NRXN3: variants seen among roughly 807,000 people sequenced by gnomAD.
The protein encoded by NRXN3 is neurexin III.
In NRXN3, 32 loss-of-function variants were observed where a neutral mutation model predicts 137.6. That is an observed-to-expected ratio of 0.23 (90% CI 0.18 to 0.31). The LOEUF (loss-of-function observed/expected upper bound fraction) is 0.31. Ranked by LOEUF, NRXN3 falls within the 10% of genes least tolerant of loss-of-function variation. NRXN3 has a pLI of 1.00. For synonymous variants in NRXN3, 798 were observed against 784.5 expected, an observed-to-expected ratio of 1.02 and a Z score of -0.29; for missense variants, 1,574 against 2,062.5, an observed-to-expected ratio of 0.76 and a Z score of 4.59.
At chr14:79,853,064 A>G (rs950336866) in intron 20 of NRXN3, among the ~76,000 whole-genome samples, 3 of 152,102 alleles carry the variant, frequency 2.0e-5, no homozygotes, top group South Asian at 2.1e-4. Context: ...CTCATTGCCA[A>G]TTGCGTGCAA....
At chr14:79,285,261 C>A (rs2082052716) in intron 15 of NRXN3, among the ~76,000 whole-genome samples, 1 of 152,122 alleles carries the variant, frequency 6.6e-6, no homozygotes, top group Admixed American at 6.5e-5. Context: ...TTGCTTTCAC[C>A]TCAGATTTTG....
intron 16 of NRXN3, among the ~76,000 whole-genome samples, chr14:79,619,936 ATTTGTT>A (rs2098204044): frequency 6.6e-6 from 1 of 152,038 alleles, no homozygotes; most frequent in South Asian, 2.1e-4. Context: ...CATGGGGACC[ATTTGTT>A]TTTATTTTCA....
chr14:78,858,303 A>G lies in NRXN3; in HGVS notation c.2275+47959A>G, dbSNP rs961342720. Among the ~76,000 whole-genome samples the G allele has an allele frequency of 2.6e-5, 4 of 152,250 alleles. No individual in the cohort carries two copies. In the South Asian group the frequency reaches 6.2e-4, roughly 24 times the overall value. The stretch of plus-strand genomic sequence containing the variant: ...CTTTAGTGACAATCCTTGACCTGCC[A>G]TGCAAATCTGGAGCTATACCATTGA... On this transcript the variant is annotated intron_variant, in intron 10 of 20. Transcript: ENST00000335750.
At position 79,808,669 on chromosome 14, in the gene NRXN3, C is replaced by T. The variant is rs1271757422; in HGVS notation, c.4093+3479C>T. 3.9e-5 allele frequency among the ~76,000 whole-genome samples: 6 copies of T among 152,258 alleles called. No individual in the cohort carries two copies. In the East Asian group the frequency reaches 1.2e-3, roughly 29 times the overall value. Reference sequence around the variant, plus strand: ...CTGTCTCCGTTTATGAGGCATTTAACTTCTACAGGTTATTTCCTGATTAAT... The same window carrying T: ...CTGTCTCCGTTTATGAGGCATTTAATTTCTACAGGTTATTTCCTGATTAAT... On this transcript the variant is annotated intron_variant, in intron 20 of 20. Coordinates refer to ENST00000335750, the MANE Select transcript of NRXN3 (RefSeq NM_001330195.2).
intron 11 of NRXN3, 74 bp from the exon 12 acceptor site, chr14:78,965,950 CA>C: frequency 2.0e-6 from 3 of 1,517,948 alleles, no homozygotes; most frequent in East Asian, 2.3e-5. Context: ...AGGTTACACC[CA>C]AAAAATATAC....
At chr14:79,746,922 G>A (rs904073708) in intron 19 of NRXN3, among the ~76,000 whole-genome samples, 1 of 152,074 alleles carries the variant, frequency 6.6e-6, no homozygotes, top group African/African-American at 2.4e-5. Context: ...CCTCTAGAAA[G>A]GATTAAAGAT....
chr14:79,529,695 AG>A (rs986906628), intron 16 of NRXN3, among the ~76,000 whole-genome samples: 60 of 152,364 alleles, frequency 3.9e-4, no homozygotes, highest in African/African-American at 1.4e-3. Context: ...AGAAAAATAA[AG>A]TTATCTCTCT....
chr14:78,506,097 C>G (rs1358034192), intron 4 of NRXN3, among the ~76,000 whole-genome samples: 5 of 152,100 alleles, frequency 3.3e-5, no homozygotes, highest in Admixed American at 3.3e-4. Context: ...ATTCATTGAG[C>G]CTATATCCAT....
chr14:79,122,420 C>A (rs2055610696), intron 15 of NRXN3, among the ~76,000 whole-genome samples: 1 of 152,126 alleles, frequency 6.6e-6, no homozygotes, highest in Non-Finnish European at 1.5e-5. Context: ...GGGAGAATTT[C>A]CTCTCAGTGG....
At chr14:78,760,608 G>T (rs922453120) in intron 8 of NRXN3, among the ~76,000 whole-genome samples, 1 of 151,344 alleles carries the variant, frequency 6.6e-6, no homozygotes, top group African/African-American at 2.4e-5. Flanking sequence ...AGGCGGATTG[G>T]AGCCAGCCTA....
chr14:79,465,509 C>G (rs2096409528), intron 15 of NRXN3, among the ~76,000 whole-genome samples: 2 of 152,114 alleles, frequency 1.3e-5, no homozygotes, highest in Non-Finnish European at 2.9e-5. Flanking sequence ...ATTCTGTATG[C>G]CTCAGAATTT....
At position 79,664,793 on chromosome 14, in the gene NRXN3, G is replaced by C. The variant is rs114365744; in HGVS notation, c.3616+844G>C. ...ATGGAAGGGACAACCCTTCAGCAAAGGGCCATTGTTCCACAATTGCACTGT... is the reference window on the plus strand; with the variant it reads ...ATGGAAGGGACAACCCTTCAGCAAACGGCCATTGTTCCACAATTGCACTGT... On this transcript the variant is annotated intron_variant, in intron 17 of 20. Transcript: ENST00000335750. 8.9e-3 allele frequency among the ~76,000 whole-genome samples: 1,357 copies of C among 152,202 alleles called. 18 individuals are homozygous for C. The highest frequency in any genetic ancestry group is 0.031 in the African/African-American group (1,298 of 41,544).
At position 79,352,678 on chromosome 14, in the gene NRXN3, A is replaced by G. The variant is rs559991011; in HGVS notation, c.3263-114543A>G. 9.9e-5 allele frequency among the ~76,000 whole-genome samples: 15 copies of G among 152,244 alleles called. 1 individual carries two copies. In the South Asian group the frequency reaches 1.7e-3, roughly 17 times the overall value. On this transcript the variant is annotated intron_variant, in intron 15 of 20. Coordinates refer to ENST00000335750, the MANE Select transcript of NRXN3 (RefSeq NM_001330195.2). ...GCCAAGATTTCAGAGCTAGACCAATAATAATAACAGCTAAGATATGTCTGA... is the reference window on the plus strand; with the variant it reads ...GCCAAGATTTCAGAGCTAGACCAATGATAATAACAGCTAAGATATGTCTGA...
At chr14:78,400,949 C>A (rs1166316066) in intron 4 of NRXN3, among the ~76,000 whole-genome samples, 2 of 152,174 alleles carry the variant, frequency 1.3e-5, no homozygotes, top group Non-Finnish European at 2.9e-5. Context: ...AAATTTATTT[C>A]TCACAGTTCT....
At chr14:79,227,787 CTCCTCCCT>C (rs141857130) in intron 15 of NRXN3, among the ~76,000 whole-genome samples, 6,343 of 33,260 alleles carry the variant, frequency 0.19, 897 homozygotes, top group South Asian at 0.3. Flanking sequence ...CCTTCCTTCC[CTCCTCCCT>C]TCCTCCCTTC....
At chr14:78,202,739 C>A (rs2061793324) in intron 1 of NRXN3, among the ~76,000 whole-genome samples, 1 of 152,158 alleles carries the variant, frequency 6.6e-6, no homozygotes, top group African/African-American at 2.4e-5. Flanking sequence ...TGTTAAGAGT[C>A]CCTGCCCTTT....
intron 1 of NRXN3, among the ~76,000 whole-genome samples, chr14:78,176,737 T>G (rs1052866558): frequency 7.2e-5 from 11 of 152,124 alleles, no homozygotes; most frequent in African/African-American, 2.7e-4. Flanking sequence ...CTCTTTCTAC[T>G]CCATCATGCT....
Position 78,390,622 on chromosome 14 carries a change from C to T in NRXN3, c.757+92762C>T, listed in dbSNP as rs146541229. On this transcript the variant is annotated intron_variant, in intron 4 of 20. Coordinates refer to ENST00000335750, the MANE Select transcript of NRXN3 (RefSeq NM_001330195.2). ...CCCATTATTTATATTGCCGTATTGACAACAAGTGTTTCTTCCGAGTCTAAC... is the reference window on the plus strand; with the variant it reads ...CCCATTATTTATATTGCCGTATTGATAACAAGTGTTTCTTCCGAGTCTAAC... Among the ~76,000 whole-genome samples, 123 of 152,278 alleles carry T rather than the reference C, an allele frequency of 8.1e-4. 3 individuals are homozygous for T. The highest frequency in any genetic ancestry group is 3.4e-3 in the Middle Eastern group (1 of 294).
chr14:78,502,018 A>G (rs55764557), intron 4 of NRXN3, among the ~76,000 whole-genome samples: 63,388 of 151,820 alleles, frequency 0.42, 13,427 homozygotes, highest in East Asian at 0.51. Flanking sequence ...TCTCCACAGA[A>G]AGCCACAAAG....
Sources: gnomAD v4.1 joint callset for allele counts (sites outside exome capture counted in the v4.1 genomes callset) on GRCh38, gnomAD v4.1.1 for gene constraint, MANE v1.5 for transcripts, NCBI Gene and HGNC (gene_info 2026-07-23, HGNC 2026-07-21) for gene names.